The following ADCY8 variants were observed in gnomAD, a reference collection of about 807,000 sequenced individuals.
ADCY8 encodes adenylate cyclase type 8.
Under a neutral mutation model 119.7 loss-of-function variants are expected in ADCY8, and 51 were observed. The ratio of observed to expected loss-of-function variants is 0.43; its 90% CI spans 0.34 to 0.54. The LOEUF is 0.54. Ranked by LOEUF, ADCY8 falls within the 20% of genes least tolerant of loss-of-function variation. The pLI is 0.03. For missense variants in ADCY8, 1,383 were observed against 1,598.8 expected (o/e 0.87, Z 2.30); for synonymous variants, 665 against 651.0 (o/e 1.02, Z -0.33).
rs543385132 is a variant in ADCY8, at chr8:130,923,112, C to T, written c.1482-13246G>A. ...AAATTTCTGTCCATGTACTGAACAT[C>T]ACTCTAATTGAAGCAGGCTTATGAG... On this transcript the variant is annotated intron_variant, in intron 5 of 17. Transcript: ENST00000286355. Among the ~76,000 whole-genome samples the T allele has an allele frequency of 7.2e-4, 110 of 152,078 alleles. 1 individual carries two copies. Among genetic ancestry groups the T allele is most frequent in the Admixed American group, 1.2e-3 (18 of 15,286 alleles).
chr8:130,921,463 T>TTC (rs1554616253), intron 5 of ADCY8, among the ~76,000 whole-genome samples: 2 of 150,360 alleles, frequency 1.3e-5, no homozygotes, highest in African/African-American at 4.9e-5. Flanking sequence ...TTTTTTTTTT[T>TTC]TTTTGAGACA....
Position 131,040,383 on chromosome 8 carries a change from A to T in ADCY8, c.-50T>A. ...CCCAGAACCTTGGGGAGGCAGCCGG[A>T]GGAGGGGTTCCTAAAGACTCAAAGG... is the stretch of plus-strand genomic sequence containing the variant. On this transcript the variant is annotated 5_prime_UTR_variant, in exon 1 of 18. Transcript: ENST00000286355. 1 of 1,441,088 alleles carries T rather than the reference A, an allele frequency of 6.9e-7. No individual in the cohort carries two copies. Among genetic ancestry groups the T allele is most frequent in the African/African-American group, 1.5e-5 (1 of 68,564 alleles). 89.3% of individuals were successfully genotyped at this position (1,441,088 alleles called of 1,614,324 possible).
intron 12 of ADCY8, among the ~76,000 whole-genome samples, chr8:130,834,644 C>T (rs148171802): frequency 0.015 from 2,343 of 152,220 alleles, 60 homozygotes; most frequent in African/African-American, 0.053. Context: ...AAAGGATAAA[C>T]ATATTTTGAT....
At chr8:130,810,347 T>TACACACAC (rs58781726) in intron 14 of ADCY8, among the ~76,000 whole-genome samples, 7,417 of 142,648 alleles carry the variant, frequency 0.052, 230 homozygotes, top group East Asian at 0.13. Context: ...TCTCTTTTTC[T>TACACACAC]ACACACACAC....
Position 130,800,555 on chromosome 8 carries a change from G to C in ADCY8, c.2931C>G (p.Ser977=). 1 of 1,614,092 alleles carries C rather than the reference G, an allele frequency of 6.2e-7. No homozygotes were observed. ...DRDNEELYSQ[S]YDAVGVMFAS... is the part of the protein sequence containing the mutation. ...CAAACATCACCCCAACAGCATCATAGGATTGAGAATACAGCTCCTGGACAG... is the reference window on the plus strand; with the variant it reads ...CAAACATCACCCCAACAGCATCATACGATTGAGAATACAGCTCCTGGACAG... Residue 977 remains serine, a synonymous_variant, in exon 15 of 18, where the codon TCC becomes TCG. Transcript: ENST00000286355.
chr8:130,917,572 C>T (rs1213148828), intron 5 of ADCY8, among the ~76,000 whole-genome samples: 9 of 152,128 alleles, frequency 5.9e-5, no homozygotes, highest in South Asian at 2.1e-4. Flanking sequence ...CGTTGCTGAC[C>T]CTTCCTGCCC....
Position 130,780,581 on chromosome 8 carries a change from G to A in ADCY8, c.3565C>T (p.Gln1189Ter). ...FILPPRRLPGQYSLAAVVLGL... is the reference protein window; with the variant it reads ...FILPPRRLPG ...AGGACAACCGCGGCCAGGGAGTACT[G>A]CCCAGGCAGTCTTCTTGGGGGCAAG... Residue 1189 changes from glutamine (Q) to a stop codon, truncating the protein, a stop_gained, in exon 18 of 18, where the codon CAG (glutamine) becomes TAG (stop). Transcript: ENST00000286355. LOFTEE classifies it high-confidence loss of function. The A allele has an allele frequency of 6.2e-7, 1 of 1,614,172 alleles. No individual in the cohort carries two copies. The highest frequency in any genetic ancestry group is 8.5e-7 in the Non-Finnish European group (1 of 1,180,016).
chr8:130,863,251 TTCTGAG>T (rs1489238533), intron 9 of ADCY8, among the ~76,000 whole-genome samples: 1 of 152,174 alleles, frequency 6.6e-6, no homozygotes, highest in Non-Finnish European at 1.5e-5. Context: ...ATTTTCCTTG[TTCTGAG>T]TCTATTTGGT....
intron 7 of ADCY8, among the ~76,000 whole-genome samples, chr8:130,889,557 C>T (rs7011132): frequency 0.022 from 3,325 of 152,284 alleles, 75 homozygotes; most frequent in South Asian, 0.081. Context: ...AGAATTTCCA[C>T]ACACTAGACC....
chr8:130,974,441 T>A (rs1822011685), intron 2 of ADCY8, among the ~76,000 whole-genome samples: 1 of 152,210 alleles, frequency 6.6e-6, no homozygotes, highest in Admixed American at 6.5e-5. Context: ...TTGGAGTTTG[T>A]GACACATTTG....
At chr8:130,994,224 T>C (rs769767329) in intron 1 of ADCY8, among the ~76,000 whole-genome samples, 1 of 152,278 alleles carries the variant, frequency 6.6e-6, no homozygotes, top group Non-Finnish European at 1.5e-5. Context: ...TCTTCACAGA[T>C]TGATGTGGAT....
chr8:130,869,556 C>G (rs185928117), intron 8 of ADCY8, among the ~76,000 whole-genome samples: 1 of 136,348 alleles, frequency 7.3e-6, no homozygotes, highest in Admixed American at 7.8e-5. Context: ...CTCGCTCTGT[C>G]GCCCAGGCTG....
chr8:130,861,443 A>G (rs1605902), intron 9 of ADCY8, among the ~76,000 whole-genome samples: 97,229 of 152,010 alleles, frequency 0.64, 31,537 homozygotes, highest in African/African-American at 0.75. Flanking sequence ...TTTTGGTGCT[A>G]TTGTAAATAA....
At chr8:130,874,223 A>G (rs1389372140) in intron 8 of ADCY8, among the ~76,000 whole-genome samples, 1 of 151,918 alleles carries the variant, frequency 6.6e-6, no homozygotes, top group Non-Finnish European at 1.5e-5. Context: ...CAGGAGAATC[A>G]CTTGAACCCA....
At position 130,780,953 on chromosome 8, in the gene ADCY8, C is replaced by A. The variant is rs1445802111; in HGVS notation, c.3269-76G>T. The A allele has an allele frequency of 2.2e-5, 34 of 1,556,334 alleles. 1 individual carries two copies. The highest frequency in any genetic ancestry group is 1.6e-4 in the South Asian group (13 of 81,658). ...GGGGTGTTTGGACCCCTCCCTGGGA[C>A]AGTGATCACTATGTGTGGGGTCTCT... On this transcript the variant is annotated intron_variant, in intron 17 of 17. Transcript: ENST00000286355.
chr8:131,018,803 C>T (rs986544968), intron 1 of ADCY8, among the ~76,000 whole-genome samples: 4 of 152,204 alleles, frequency 2.6e-5, no homozygotes, highest in African/African-American at 9.7e-5. Context: ...TGTGTTCTCA[C>T]TCATTCTGCC....
Position 130,780,771 on chromosome 8 carries a change from C to T in ADCY8, c.3375G>A (p.Gly1125=), listed in dbSNP as rs142315719. 7.6e-5 allele frequency: 123 copies of T among 1,614,080 alleles called. No homozygotes were observed. Among genetic ancestry groups the T allele is most frequent in the Non-Finnish European group, 9.8e-5 (116 of 1,180,024 alleles). The change falls in exon 18 of 18, where the codon GGG becomes GGA. Residue 1125 remains glycine (G), a synonymous_variant. Transcript: ENST00000286355. ...VNLASRMDST[G]VSGRIQVPEE... is the part of the protein sequence containing the mutation. ...CTGGGACTTGGATCCGGCCACTAAC[C>T]CCCGTGCTGTCCATTCGGCTTGCCA...
intron 1 of ADCY8, among the ~76,000 whole-genome samples, chr8:131,017,701 G>A (rs1016647171): frequency 2.6e-5 from 4 of 152,100 alleles, no homozygotes; most frequent in Non-Finnish European, 1.5e-5. Flanking sequence ...GCAAGGGGCC[G>A]ACGATGGAGC....
chr8:130,964,112 G>A (rs1211957630), intron 2 of ADCY8, among the ~76,000 whole-genome samples: 2 of 152,152 alleles, frequency 1.3e-5, no homozygotes, highest in Non-Finnish European at 2.9e-5. Context: ...ATGTAGACCT[G>A]CATCCTTCTG....
Sources: allele counts gnomAD v4.1 joint callset (sites outside exome capture counted in the v4.1 genomes callset), GRCh38; gene constraint gnomAD v4.1.1; transcripts MANE v1.5; gene names NCBI Gene and HGNC (gene_info 2026-07-23, HGNC 2026-07-21).